Variants in BICD1 observed in about 807,000 individuals in gnomAD.
The protein encoded by BICD1 is BICD cargo adaptor 1, also known as protein bicaudal D homolog 1.
In BICD1, 35 loss-of-function variants were observed where a neutral mutation model predicts 92.5. That is an observed-to-expected ratio of 0.38 (90% CI 0.29 to 0.50). BICD1 has a LOEUF of 0.50. BICD1 is among the 20% of genes least tolerant of loss of function. The pLI is 0.93. For synonymous variants in BICD1, 429 were observed against 465.1 expected (o/e 0.92, Z 1.00); for missense variants, 950 against 1,189.8 (o/e 0.80, Z 2.97).
intron 4 of BICD1, among the ~76,000 whole-genome samples, chr12:32,318,229 T>A (rs1210990715): frequency 6.6e-6 from 1 of 151,724 alleles, no homozygotes; most frequent in Non-Finnish European, 1.5e-5. Context: ...TTTAAAGTAG[T>A]TTTTTCCAAT....
intron 1 of BICD1, among the ~76,000 whole-genome samples, chr12:32,144,966 T>C (rs1943059557): frequency 6.6e-6 from 1 of 152,232 alleles, no homozygotes. Flanking sequence ...AGTGCTGTTG[T>C]CTCTTATCTA....
intron 1 of BICD1, among the ~76,000 whole-genome samples, chr12:32,131,356 T>A (rs578074256): frequency 1.3e-5 from 2 of 152,340 alleles, no homozygotes; most frequent in Admixed American, 1.3e-4. Context: ...AAGGTGGTGC[T>A]CATTTTCTAT....
At chr12:32,377,194 A>C (rs1053819252) in intron 9 of BICD1, among the ~76,000 whole-genome samples, 1 of 152,180 alleles carries the variant, frequency 6.6e-6, no homozygotes, top group Non-Finnish European at 1.5e-5. Flanking sequence ...GATCTCATGA[A>C]ATCTTACAGC....
chr12:32,126,951 C>T (rs1025821551), intron 1 of BICD1, among the ~76,000 whole-genome samples: 1 of 152,160 alleles, frequency 6.6e-6, no homozygotes, highest in Non-Finnish European at 1.5e-5. Flanking sequence ...CTATCCTGCA[C>T]TGAAATGCAT....
chr12:32,299,762 T>C (rs765376554), intron 3 of BICD1, among the ~76,000 whole-genome samples: 3 of 152,152 alleles, frequency 2.0e-5, no homozygotes, highest in Admixed American at 6.5e-5. Flanking sequence ...CAATGAGCCA[T>C]GATTGTGCCA....
chr12:32,324,564 T>C (rs1365194710), intron 4 of BICD1, among the ~76,000 whole-genome samples: 1 of 93,788 alleles, frequency 1.1e-5, no homozygotes, highest in African/African-American at 4.3e-5. Flanking sequence ...TACTGTACTG[T>C]ACTTTTCTTT....
intron 2 of BICD1, among the ~76,000 whole-genome samples, chr12:32,219,294 G>A (rs1024585865): frequency 2.6e-5 from 4 of 152,122 alleles, no homozygotes; most frequent in South Asian, 2.1e-4. Flanking sequence ...TGGGTGCATC[G>A]TGAAAGATTT....
intron 1 of BICD1, among the ~76,000 whole-genome samples, chr12:32,140,237 A>G (rs964970138): frequency 6.6e-6 from 1 of 152,214 alleles, no homozygotes; most frequent in Non-Finnish European, 1.5e-5. Context: ...CTGAAAATAA[A>G]TGGCAGATGA....
At chr12:32,151,130 C>T (rs191960586) in intron 1 of BICD1, among the ~76,000 whole-genome samples, 1 of 152,214 alleles carries the variant, frequency 6.6e-6, no homozygotes, top group Admixed American at 6.5e-5. Context: ...TCCTTGATGT[C>T]CAAGAATACT....
At chr12:32,111,038 T>C (rs1195538580) in intron 1 of BICD1, among the ~76,000 whole-genome samples, 5 of 152,042 alleles carry the variant, frequency 3.3e-5, no homozygotes, top group African/African-American at 9.7e-5. Flanking sequence ...AAATTTAAAA[T>C]GTTGTAAAGT....
intron 1 of BICD1, among the ~76,000 whole-genome samples, chr12:32,172,674 TG>T (rs1038099757): frequency 6.6e-6 from 1 of 152,176 alleles, no homozygotes; most frequent in Non-Finnish European, 1.5e-5. Flanking sequence ...AGGGTTTTTA[TG>T]AATGGTCAGT....
chr12:32,153,072 C>T lies in BICD1; in HGVS notation c.213+45528C>T, dbSNP rs1055976583. 3.9e-5 allele frequency among the ~76,000 whole-genome samples: 6 copies of T among 152,298 alleles called. No homozygotes were observed. In the East Asian group the frequency reaches 5.8e-4, roughly 15 times the overall value. On this transcript the variant is annotated intron_variant, in intron 1 of 9. Coordinates refer to ENST00000652176, the MANE Select transcript of BICD1 (RefSeq NM_001714.4). Reference sequence around the variant, plus strand: ...TTTCAACCCTTGCTCTCCTCTCTCCCTCTCACCTCTAGGCATCCCTAGTGC... The same window carrying T: ...TTTCAACCCTTGCTCTCCTCTCTCCTTCTCACCTCTAGGCATCCCTAGTGC...
At chr12:32,171,028 A>G (rs1164160523) in intron 1 of BICD1, among the ~76,000 whole-genome samples, 1 of 152,232 alleles carries the variant, frequency 6.6e-6, no homozygotes, top group East Asian at 1.9e-4. Context: ...TAGCAAAATG[A>G]TGAGAAATTT....
At chr12:32,124,395 T>C (rs1441471193) in intron 1 of BICD1, among the ~76,000 whole-genome samples, 1 of 152,188 alleles carries the variant, frequency 6.6e-6, no homozygotes, top group Admixed American at 6.5e-5. Context: ...TTAGCAGCTA[T>C]GTGACCTTAG....
intron 1 of BICD1, among the ~76,000 whole-genome samples, chr12:32,110,713 A>G (rs1264758248): frequency 1.3e-5 from 2 of 152,200 alleles, no homozygotes; most frequent in East Asian, 3.9e-4. Context: ...ATACATATAT[A>G]AAAATACCTT....
intron 2 of BICD1, among the ~76,000 whole-genome samples, chr12:32,229,714 CTGTT>C (rs1364626781): frequency 1.3e-5 from 2 of 152,088 alleles, no homozygotes; most frequent in South Asian, 4.1e-4. Flanking sequence ...TTCATGGAGT[CTGTT>C]TGCAAATAGG....
intron 8 of BICD1, among the ~76,000 whole-genome samples, chr12:32,341,116 A>G (rs917669881): frequency 3.3e-5 from 5 of 152,160 alleles, no homozygotes; most frequent in South Asian, 2.1e-4. Flanking sequence ...AGTACCATAT[A>G]TTGTCTTAAA....
intron 1 of BICD1, 109 bp from the exon 2 acceptor site, chr12:32,216,138 G>C (rs1205032938): frequency 1.4e-5 from 15 of 1,073,288 alleles, no homozygotes; most frequent in Non-Finnish European, 1.9e-5. Context: ...GGGTCTTGCA[G>C]GGTAGCTTTT....
intron 1 of BICD1, among the ~76,000 whole-genome samples, chr12:32,208,148 C>T (rs1317753752): frequency 6.6e-6 from 1 of 152,222 alleles, no homozygotes; most frequent in Admixed American, 6.5e-5. Flanking sequence ...TTATTATTCT[C>T]ATTTTACACA....
Sources: gnomAD v4.1 joint callset for allele counts (sites outside exome capture counted in the v4.1 genomes callset) on GRCh38, gnomAD v4.1.1 for gene constraint, MANE v1.5 for transcripts, NCBI Gene and HGNC (gene_info 2026-07-23, HGNC 2026-07-21) for gene names.